Variants in RTN1 observed in about 807,000 individuals in gnomAD.
The protein encoded by RTN1 is reticulon 1.
A neutral mutation model predicts 65.5 loss-of-function variants in RTN1; 25 were observed. The ratio of observed to expected loss-of-function variants is 0.38; its 90% CI spans 0.28 to 0.53. RTN1 has a LOEUF of 0.53. Among genes scored for constraint, RTN1 ranks in the 20% least tolerant of loss-of-function variants. The pLI, the probability that RTN1 is intolerant of heterozygous loss-of-function variation, is 0.79. For missense variants in RTN1, 983 were observed against 1,025.4 expected (o/e 0.96, Z 0.57); for synonymous variants, 471 against 447.6 (o/e 1.05, Z -0.66).
At chr14:59,749,956 A>G (rs1461948384) in intron 1 of RTN1, among the ~76,000 whole-genome samples, 1 of 105,854 alleles carries the variant, frequency 9.4e-6, no homozygotes, top group Non-Finnish European at 1.8e-5. Flanking sequence ...TTTATATGTT[A>G]TATATATATT....
intron 1 of RTN1, among the ~76,000 whole-genome samples, chr14:59,826,356 A>G (rs917215050): frequency 6.6e-6 from 1 of 152,238 alleles, no homozygotes; most frequent in Non-Finnish European, 1.5e-5. Flanking sequence ...ATGACACTGT[A>G]TATAAAACAC....
At chr14:59,865,224 G>A (rs575203929) in intron 1 of RTN1, among the ~76,000 whole-genome samples, 2 of 152,186 alleles carry the variant, frequency 1.3e-5, no homozygotes, top group South Asian at 4.2e-4. Flanking sequence ...AAATATATTG[G>A]TTTATAAGTT....
chr14:59,780,133 C>G (rs767465238), intron 1 of RTN1, among the ~76,000 whole-genome samples: 5 of 152,108 alleles, frequency 3.3e-5, no homozygotes, highest in Non-Finnish European at 7.4e-5. Flanking sequence ...GGTCCTTTTC[C>G]TAAGGAAACT....
At chr14:59,603,311 C>T (rs932243784) in intron 6 of RTN1, 53 bp from the exon 7 acceptor site, 54 of 1,323,936 alleles carry the variant, frequency 4.1e-5, no homozygotes, top group East Asian at 1.4e-4. Context: ...AATAAGAATA[C>T]GCTTATAGAC....
At chr14:59,736,441 C>T (rs941557781) in intron 2 of RTN1, among the ~76,000 whole-genome samples, 1 of 152,106 alleles carries the variant, frequency 6.6e-6, no homozygotes, top group Non-Finnish European at 1.5e-5. Flanking sequence ...TGGATAAATT[C>T]CTGGAGACAT....
rs1886328109 is a variant in RTN1, at chr14:59,790,431, C to T, written c.242-43950G>A. 6.6e-6 allele frequency among the ~76,000 whole-genome samples: 1 copy of T among 151,972 alleles called. No homozygotes were observed. The highest frequency in any genetic ancestry group is 1.5e-5 in the Non-Finnish European group (1 of 67,978). On this transcript the variant is annotated intron_variant, in intron 1 of 8. Transcript: ENST00000267484. The surrounding 1 kb of genome is among the most constrained non-coding windows in gnomAD (Gnocchi z 4.1). The stretch of plus-strand genomic sequence containing the variant: ...TTAAAACTAATAATAATATGAAACT[C>T]TTGTGTCACCTTTTATTCATAATTT...
At chr14:59,668,122 C>T (rs775845206) in intron 3 of RTN1, among the ~76,000 whole-genome samples, 1 of 152,016 alleles carries the variant, frequency 6.6e-6, no homozygotes. Context: ...TCATATGGAA[C>T]CAAAAAAGGG....
At chr14:59,797,501 G>A (rs966277032) in intron 1 of RTN1, among the ~76,000 whole-genome samples, 1 of 152,120 alleles carries the variant, frequency 6.6e-6, no homozygotes, top group Non-Finnish European at 1.5e-5. Context: ...AAAGTCCATT[G>A]TGCAATCAGT....
At chr14:59,605,790 C>G (rs1881726852) in intron 4 of RTN1, 1 of 285,090 alleles carries the variant, frequency 3.5e-6, no homozygotes, top group Non-Finnish European at 6.5e-6. Context: ...CCAGCTGGGA[C>G]CAGAGAAAAA....
At chr14:59,804,658 G>A (rs1333796438) in intron 1 of RTN1, among the ~76,000 whole-genome samples, 1 of 152,048 alleles carries the variant, frequency 6.6e-6, no homozygotes, top group South Asian at 2.1e-4. Context: ...GGTTGGTACG[G>A]GTGACAGTCA....
At chr14:59,654,245 G>A (rs1883075127) in intron 3 of RTN1, among the ~76,000 whole-genome samples, 1 of 152,014 alleles carries the variant, frequency 6.6e-6, no homozygotes, top group South Asian at 2.1e-4. Flanking sequence ...GGCCAATGTG[G>A]CGAAACCCCG....
chr14:59,663,858 T>C (rs1465317617), intron 3 of RTN1, among the ~76,000 whole-genome samples: 1 of 152,158 alleles, frequency 6.6e-6, no homozygotes, highest in African/African-American at 2.4e-5. Context: ...AATGCTATTA[T>C]ACTGTCAGTG....
chr14:59,775,685 G>A (rs1336840834), intron 1 of RTN1, among the ~76,000 whole-genome samples: 3 of 152,088 alleles, frequency 2.0e-5, no homozygotes, highest in Admixed American at 6.6e-5. Context: ...AAAGCAAGAT[G>A]ATACATCTCC....
chr14:59,745,870 G>C lies in RTN1; in HGVS notation c.853C>G (p.Leu285Val). ...PQITTPVKIT[L>V]TEIEPSVETT... The stretch of plus-strand genomic sequence containing the variant: ...TCAACAGAAGGTTCTATTTCCGTCA[G>C]TGTGATTTTGACAGGGGTGGTGATC... Residue 285 changes from leucine to valine, a missense_variant, in exon 2 of 9, where the codon CTG (leucine) becomes GTG (valine). Leu to Val is a conservative substitution (Grantham distance 32). Around this residue, in one of 2 missense-constraint regions of RTN1, gnomAD observed 818 missense variants for 801.8 expected, o/e 1.02. Transcript: ENST00000267484. 1 of 1,614,128 alleles carries C rather than the reference G, an allele frequency of 6.2e-7. No homozygotes were observed. The highest frequency in any genetic ancestry group is 1.1e-5 in the South Asian group (1 of 91,080).
At chr14:59,776,666 C>T (rs1886056740) in intron 1 of RTN1, among the ~76,000 whole-genome samples, 1 of 152,084 alleles carries the variant, frequency 6.6e-6, no homozygotes, top group African/African-American at 2.4e-5. Flanking sequence ...TAGCCTTCCT[C>T]CGCTGTGTGG....
At chr14:59,658,393 C>T (rs1377544120) in intron 3 of RTN1, among the ~76,000 whole-genome samples, 1 of 127,696 alleles carries the variant, frequency 7.8e-6, no homozygotes, top group African/African-American at 3.1e-5. Flanking sequence ...TGCTAAGGGA[C>T]AGACTGCCTG....
chr14:59,613,935 A>C (rs1389437517), intron 3 of RTN1, among the ~76,000 whole-genome samples: 1 of 152,206 alleles, frequency 6.6e-6, no homozygotes, highest in Non-Finnish European at 1.5e-5. Context: ...TGGGGGTATC[A>C]GAAATTACTT....
At chr14:59,743,540 G>A (rs918253942) in intron 2 of RTN1, among the ~76,000 whole-genome samples, 1 of 152,120 alleles carries the variant, frequency 6.6e-6, no homozygotes, top group South Asian at 2.1e-4. Context: ...TTGGAAACTC[G>A]GATATGTTCT....
intron 1 of RTN1, among the ~76,000 whole-genome samples, chr14:59,788,396 C>T (rs917701563): frequency 6.6e-6 from 1 of 152,190 alleles, no homozygotes; most frequent in Non-Finnish European, 1.5e-5. Context: ...TTAGCAAACA[C>T]TGCAAATGTT....
Sources: allele counts gnomAD v4.1 joint callset (sites outside exome capture counted in the v4.1 genomes callset), GRCh38; gene constraint gnomAD v4.1.1; regional missense constraint gnomAD v4.1.1; non-coding constraint Gnocchi (gnomAD v3.1); transcripts MANE v1.5; gene names NCBI Gene and HGNC (gene_info 2026-07-23, HGNC 2026-07-21).